PCBP3: variants seen among roughly 807,000 people sequenced by gnomAD.
PCBP3 encodes poly(rC)-binding protein 3.
Under a neutral mutation model 52.7 loss-of-function variants are expected in PCBP3, and 25 were observed. The observed-to-expected ratio is 0.47, with a 90% confidence interval of 0.35 to 0.66. The LOEUF is 0.66. Among genes scored for constraint, PCBP3 ranks in the 30% least tolerant of loss-of-function variants. The pLI is 0.01. For synonymous variants in PCBP3, 162 were observed against 183.0 expected (o/e 0.89, Z 0.93); for missense variants, 391 against 490.3 (o/e 0.80, Z 1.91).
chr21:45,653,174 T>C (rs554047158), intron 1 of PCBP3, among the ~76,000 whole-genome samples: 6 of 152,360 alleles, frequency 3.9e-5, no homozygotes, highest in African/African-American at 7.2e-5. Context: ...GAATATGGTA[T>C]GTAAGTTTTC....
At chr21:45,860,867 C>T (rs1002421433) in intron 5 of PCBP3, among the ~76,000 whole-genome samples, 3 of 152,202 alleles carry the variant, frequency 2.0e-5, no homozygotes, top group Non-Finnish European at 2.9e-5. Context: ...CCCTTGGCAG[C>T]GACCCCCGTG....
At chr21:45,725,644 G>A (rs982231057) in intron 2 of PCBP3, among the ~76,000 whole-genome samples, 3 of 152,218 alleles carry the variant, frequency 2.0e-5, no homozygotes, top group African/African-American at 7.2e-5. Context: ...TATTTCTGGT[G>A]GGTGGAGGGA....
At chr21:45,851,339 C>G (rs2093992766) in intron 5 of PCBP3, among the ~76,000 whole-genome samples, 1 of 152,070 alleles carries the variant, frequency 6.6e-6, no homozygotes, top group Admixed American at 6.5e-5. Context: ...ATGGTGAAAC[C>G]CTGTCTCTAC....
intron 4 of PCBP3, among the ~76,000 whole-genome samples, 189 bp from the exon 5 acceptor site, chr21:45,849,772 G>C (rs557569425): frequency 6.3e-4 from 96 of 152,178 alleles, no homozygotes; most frequent in Non-Finnish European, 1.3e-3. Flanking sequence ...TGGGGTGTTG[G>C]GGGGAAGAGC....
chr21:45,677,832 T>C, intron 2 of PCBP3, among the ~76,000 whole-genome samples: 1 of 152,176 alleles, frequency 6.6e-6, no homozygotes, highest in Non-Finnish European at 1.5e-5. Flanking sequence ...ATAGCATGGT[T>C]TACTGAATCT....
At chr21:45,705,415 C>G (rs2083386507) in intron 2 of PCBP3, among the ~76,000 whole-genome samples, 1 of 152,176 alleles carries the variant, frequency 6.6e-6, no homozygotes, top group Admixed American at 6.5e-5. Flanking sequence ...CAAGCAGAGC[C>G]CCTCCTCGGC....
intron 4 of PCBP3, among the ~76,000 whole-genome samples, chr21:45,769,725 G>A (rs1278096744): frequency 6.6e-6 from 1 of 152,212 alleles, no homozygotes; most frequent in Non-Finnish European, 1.5e-5. Context: ...TCTTCACTCT[G>A]GCTGGCCGTC....
In PCBP3 at chr21:45,821,878, A is replaced by G. The variant is rs1020343379; in HGVS notation, c.-125-28083A>G. ...CGGCAGTGTCAGGGAGGCACCGCCC[A>G]GGGGAGGCTCCTCCTTAGGGTGCAT... On this transcript the variant is annotated intron_variant, in intron 4 of 17. Coordinates refer to ENST00000681687, the MANE Select transcript of PCBP3 (RefSeq NM_001384156.1). This position sits in a 1 kb window ranked among gnomAD's most constrained non-coding sequence, Gnocchi z 4.4. Among the ~76,000 whole-genome samples the G allele has an allele frequency of 1.3e-5, 2 of 152,190 alleles. No individual in the cohort carries two copies. The highest frequency in any genetic ancestry group is 4.8e-5 in the African/African-American group (2 of 41,450).
intron 4 of PCBP3, among the ~76,000 whole-genome samples, chr21:45,767,235 C>T (rs895353575): frequency 1.3e-5 from 2 of 152,178 alleles, no homozygotes; most frequent in Non-Finnish European, 2.9e-5. Flanking sequence ...TCCCCAGCCC[C>T]TGGCAGCCAC....
intron 2 of PCBP3, among the ~76,000 whole-genome samples, chr21:45,691,430 TATATATC>T (rs1569121361): frequency 8.3e-6 from 1 of 120,062 alleles, no homozygotes; most frequent in African/African-American, 3.6e-5. Flanking sequence ...ATATAAAATA[TATATATC>T]ATATATATGT....
rs1389519307 is a variant in PCBP3 at position 45,741,573 on chromosome 21, G to A, written c.-162+6144G>A. ...GGCTAAGAGCTCAGGGAAGGATTGT[G>A]ATGTAGGGGGCAAGGGAGGGGTAGG... On this transcript the variant is annotated intron_variant, in intron 3 of 17. Transcript: ENST00000681687. The surrounding 1 kb of genome is among the most constrained non-coding windows in gnomAD (Gnocchi z 4.5). 6.6e-6 allele frequency among the ~76,000 whole-genome samples: 1 copy of A among 152,126 alleles called. No individual in the cohort carries two copies. Among genetic ancestry groups the A allele is most frequent in the Non-Finnish European group, 1.5e-5 (1 of 68,034 alleles).
At chr21:45,886,865 A>G (rs533981424) in intron 5 of PCBP3, among the ~76,000 whole-genome samples, 1 of 152,136 alleles carries the variant, frequency 6.6e-6, no homozygotes, top group Non-Finnish European at 1.5e-5. Flanking sequence ...CCACCCCCGC[A>G]TGGGGTTCGG....
chr21:45,815,515 T>G (rs1372724708), intron 4 of PCBP3, among the ~76,000 whole-genome samples: 30 of 39,896 alleles, frequency 7.5e-4, no homozygotes, highest in East Asian at 1.9e-3. Context: ...GGTGAGTGAG[T>G]GGTGAGTGAT....
rs919800885 is a variant in PCBP3, at chr21:45,917,293, C to T, written c.676-295C>T. ...ACCTCTTACTGGGCAGATCACTCTT[C>T]GATTCTTTTGCTTTAAGAAACTTGG... On this transcript the variant is annotated intron_variant, in intron 12 of 17. Coordinates refer to ENST00000681687, the MANE Select transcript of PCBP3 (RefSeq NM_001384156.1). This position sits in a 1 kb window ranked among gnomAD's most constrained non-coding sequence, Gnocchi z 5.3. 4 of 365,190 alleles carry T rather than the reference C, an allele frequency of 1.1e-5. No homozygotes were observed. Among genetic ancestry groups the T allele is most frequent in the Non-Finnish European group, 1.5e-5 (3 of 200,396 alleles). 22.6% of individuals were successfully genotyped at this position (365,190 alleles called of 1,614,324 possible). A position where few individuals can be genotyped will look rare whatever the true frequency, so the allele number is the denominator to read the frequency against.
intron 4 of PCBP3, among the ~76,000 whole-genome samples, chr21:45,811,734 C>T (rs561061323): frequency 1.3e-5 from 2 of 152,182 alleles, no homozygotes. Flanking sequence ...TTACTTTTAA[C>T]TGTCTGTGCC....
intron 5 of PCBP3, among the ~76,000 whole-genome samples, chr21:45,892,012 A>T (rs1414297972): frequency 6.6e-6 from 1 of 152,186 alleles, no homozygotes; most frequent in Non-Finnish European, 1.5e-5. Flanking sequence ...ATCTAATGTA[A>T]GGGGGGTTTA....
chr21:45,850,226 C>T, intron 5 of PCBP3, 131 bp downstream of exon 5: 3 of 777,646 alleles, frequency 3.9e-6, no homozygotes, highest in Admixed American at 4.0e-5. Context: ...CTTCAGTCCA[C>T]AATGTGCCCT....
In PCBP3 at chr21:45,800,236, G is replaced by A. The variant is rs1457853828; in HGVS notation, c.-126+44784G>A. ...CTTGCAGCTTTTTCTTGGGAGCACCGGGCCAAGCCAGAGGCTCCTGGCAGA... is the reference window on the plus strand; with the variant it reads ...CTTGCAGCTTTTTCTTGGGAGCACCAGGCCAAGCCAGAGGCTCCTGGCAGA... On this transcript the variant is annotated intron_variant, in intron 4 of 17. Coordinates refer to ENST00000681687, the MANE Select transcript of PCBP3 (RefSeq NM_001384156.1). The surrounding 1 kb of genome is among the most constrained non-coding windows in gnomAD (Gnocchi z 5.3). Among the ~76,000 whole-genome samples, 1 of 152,164 alleles carries A rather than the reference G, an allele frequency of 6.6e-6. No individual in the cohort carries two copies. Among genetic ancestry groups the A allele is most frequent in the African/African-American group, 2.4e-5 (1 of 41,438 alleles).
At chr21:45,660,039 A>C (rs1603165422) in intron 1 of PCBP3, among the ~76,000 whole-genome samples, 1 of 151,900 alleles carries the variant, frequency 6.6e-6, no homozygotes, top group East Asian at 1.9e-4. Flanking sequence ...TTGAAAACGG[A>C]CTTTTGAAGT....
Sources: gnomAD v4.1 joint callset for allele counts (sites outside exome capture counted in the v4.1 genomes callset) on GRCh38, gnomAD v4.1.1 for gene constraint, Gnocchi (gnomAD v3.1) non-coding constraint, MANE v1.5 for transcripts, NCBI Gene and HGNC (gene_info 2026-07-23, HGNC 2026-07-21) for gene names.